PPARG: variants seen among roughly 807,000 people sequenced by gnomAD.
PPARG encodes the protein peroxisome proliferator activated receptor gamma, also known as peroxisome proliferator-activated receptor gamma.
A neutral mutation model predicts 39.2 loss-of-function variants in PPARG; 17 were observed. The ratio of observed to expected loss-of-function variants is 0.43; its 90% CI spans 0.30 to 0.65. The LOEUF (loss-of-function observed/expected upper bound fraction) is 0.65, where lower values mean the gene tolerates loss of function less well. Ranked by LOEUF, PPARG falls within the 30% of genes least tolerant of loss-of-function variation. PPARG has a pLI of 0.13. For synonymous variants in PPARG, 223 were observed against 215.7 expected (o/e 1.03, Z -0.30); for missense variants, 406 against 585.9 (o/e 0.69, Z 3.17).
chr3:12,410,927 A>C (rs1242670772), intron 6 of PPARG, among the ~76,000 whole-genome samples: 1 of 152,170 alleles, frequency 6.6e-6, no homozygotes, highest in African/African-American at 2.4e-5. Context: ...TTTGCTCCCC[A>C]AAGGAAAGAC....
intron 6 of PPARG, among the ~76,000 whole-genome samples, chr3:12,412,876 G>A (rs536475986): frequency 2.1e-4 from 32 of 152,134 alleles, no homozygotes; most frequent in Non-Finnish European, 3.8e-4. Context: ...AAGGAGGGAC[G>A]CTTACCCAGC....
intron 1 of PPARG, among the ~76,000 whole-genome samples, chr3:12,307,534 G>A (rs757115733): frequency 1.3e-5 from 2 of 152,168 alleles, no homozygotes; most frequent in Non-Finnish European, 2.9e-5. Flanking sequence ...AACTAGTCAA[G>A]AAAAGCAGAA....
At chr3:12,312,745 A>C (rs2047282710) in intron 2 of PPARG, among the ~76,000 whole-genome samples, 1 of 85,304 alleles carries the variant, frequency 1.2e-5, no homozygotes, top group South Asian at 3.4e-4. Flanking sequence ...TTTTCTACTT[A>C]AGTAATAATT....
intron 6 of PPARG, among the ~76,000 whole-genome samples, chr3:12,415,705 T>C (rs1668571705): frequency 6.6e-6 from 1 of 152,258 alleles, no homozygotes; most frequent in Non-Finnish European, 1.5e-5. Context: ...AGCATTCACC[T>C]GTAGGCCTTC....
At chr3:12,345,649 A>G (rs1212521128) in intron 2 of PPARG, among the ~76,000 whole-genome samples, 2 of 152,188 alleles carry the variant, frequency 1.3e-5, no homozygotes, top group Non-Finnish European at 2.9e-5. Flanking sequence ...CCTTATATCA[A>G]AAATTAAGAG....
At chr3:12,327,097 A>G (rs912420505) in intron 2 of PPARG, among the ~76,000 whole-genome samples, 3 of 152,210 alleles carry the variant, frequency 2.0e-5, no homozygotes, top group Admixed American at 1.3e-4. Flanking sequence ...TTACCTTGAA[A>G]GAGATTATCT....
At chr3:12,379,530 A>G (rs1041047065) in intron 2 of PPARG, among the ~76,000 whole-genome samples, 174 bp from the exon 3 acceptor site, 1 of 152,142 alleles carries the variant, frequency 6.6e-6, no homozygotes, top group Non-Finnish European at 1.5e-5. Flanking sequence ...CTTCCTTTCT[A>G]TCATAAAACA....
intron 2 of PPARG, among the ~76,000 whole-genome samples, chr3:12,318,449 T>C (rs1245075621): frequency 3.3e-5 from 5 of 152,220 alleles, no homozygotes; most frequent in African/African-American, 1.2e-4. Context: ...AATCAGTTTT[T>C]AAAAAATATT....
chr3:12,389,883 C>T lies in PPARG; in HGVS notation c.391-2731C>T, dbSNP rs182271237. Among the ~76,000 whole-genome samples the T allele has an allele frequency of 5.6e-3, 851 of 152,094 alleles. 6 individuals are homozygous for T. The highest frequency in any genetic ancestry group is 9.3e-3 in the Non-Finnish European group (629 of 67,992). On this transcript the variant is annotated intron_variant, in intron 4 of 7. Coordinates refer to ENST00000651735, the MANE Select transcript of PPARG (RefSeq NM_138711.6). ...CTGCACTCCAGCCTGAGCAAGAGAGCGAGACTCTGTCTCAAAACAAAAAAC... is the reference window on the plus strand; with the variant it reads ...CTGCACTCCAGCCTGAGCAAGAGAGTGAGACTCTGTCTCAAAACAAAAAAC...
chr3:12,380,639 T>G (rs2049614056), intron 3 of PPARG, among the ~76,000 whole-genome samples: 1 of 152,214 alleles, frequency 6.6e-6, no homozygotes, highest in Non-Finnish European at 1.5e-5. Flanking sequence ...GTATTTCTAG[T>G]GGCTTTTAAA....
intron 2 of PPARG, among the ~76,000 whole-genome samples, chr3:12,359,916 G>T (rs2048786879): frequency 6.6e-6 from 1 of 151,956 alleles, no homozygotes; most frequent in South Asian, 2.1e-4. Flanking sequence ...CAAGTGATCC[G>T]ACTGCCTGCA....
intron 7 of PPARG, among the ~76,000 whole-genome samples, chr3:12,419,001 A>G (rs2051170605): frequency 6.6e-6 from 1 of 152,002 alleles, no homozygotes; most frequent in African/African-American, 2.4e-5. Flanking sequence ...CTGGAGTGCA[A>G]TGGCACAATC....
intron 1 of PPARG, among the ~76,000 whole-genome samples, chr3:12,298,387 T>TTA (rs1188001904): frequency 6.7e-6 from 1 of 148,266 alleles, no homozygotes; most frequent in Non-Finnish European, 1.5e-5. Flanking sequence ...ATTGTGAAAG[T>TTA]TATATATATG....
At chr3:12,417,480 A>G (rs560134742) in intron 7 of PPARG, among the ~76,000 whole-genome samples, 1 of 152,146 alleles carries the variant, frequency 6.6e-6, no homozygotes, top group South Asian at 2.1e-4. Flanking sequence ...ATTAGAGGCC[A>G]GTCTAATCTT....
intron 2 of PPARG, among the ~76,000 whole-genome samples, chr3:12,369,764 G>A (rs1424109260): frequency 6.6e-6 from 1 of 152,152 alleles, no homozygotes; most frequent in Non-Finnish European, 1.5e-5. Context: ...CTCCTGCTTA[G>A]CTATTTACTT....
At chr3:12,351,732 A>G in intron 2 of PPARG, 2 of 1,359,924 alleles carry the variant, frequency 1.5e-6, no homozygotes, top group Admixed American at 3.4e-5. Context: ...GTAAGGGTAA[A>G]ATTGCTCTTG....
chr3:12,352,553 TCTC>T (rs2048521699), intron 2 of PPARG, among the ~76,000 whole-genome samples: 2 of 152,206 alleles, frequency 1.3e-5, no homozygotes, highest in African/African-American at 4.8e-5. Flanking sequence ...ATTTTTCTCT[TCTC>T]AGATTCTGTG....
At chr3:12,381,907 T>A (rs985437199) in intron 4 of PPARG, among the ~76,000 whole-genome samples, 35 of 152,134 alleles carry the variant, frequency 2.3e-4, no homozygotes, top group African/African-American at 8.0e-4. Context: ...TTTCCTGCAT[T>A]CTCTAGTTGT....
intron 7 of PPARG, among the ~76,000 whole-genome samples, chr3:12,428,237 A>G (rs1270173999): frequency 6.6e-6 from 1 of 152,220 alleles, no homozygotes; most frequent in Non-Finnish European, 1.5e-5. Context: ...AGCTTTGTAG[A>G]TTTGCCCATA....
Sources: gnomAD v4.1 joint callset for allele counts (sites outside exome capture counted in the v4.1 genomes callset) on GRCh38, gnomAD v4.1.1 for gene constraint, MANE v1.5 for transcripts, NCBI Gene and HGNC (gene_info 2026-07-23, HGNC 2026-07-21) for gene names.